The following ARHGAP42 variants were observed in gnomAD, a reference collection of about 807,000 sequenced individuals.
ARHGAP42 encodes rho GTPase-activating protein 42.
ARHGAP42 carries 63 observed loss-of-function variants against 125.0 expected under a neutral mutation model. The ratio of observed to expected loss-of-function variants is 0.50; its 90% confidence interval spans 0.41 to 0.62. The LOEUF (loss-of-function observed/expected upper bound fraction) is 0.62, where lower values mean the gene tolerates loss of function less well. ARHGAP42 is among the 20% of genes least tolerant of loss of function. The pLI is 0.00. For missense variants in ARHGAP42, 766 were observed against 1,024.2 expected (o/e 0.75, Z 3.44); for synonymous variants, 339 against 351.0 (o/e 0.97, Z 0.38).
chr11:100,779,551 C>CGTATACATACGTAT (rs747888545), intron 2 of ARHGAP42, among the ~76,000 whole-genome samples: 5 of 126,898 alleles, frequency 3.9e-5, no homozygotes, highest in South Asian at 2.5e-4. Flanking sequence ...TATATATATA[C>CGTATACATACGTAT]ATATACATAC....
chr11:100,710,816 G>A (rs1313021601), intron 1 of ARHGAP42, among the ~76,000 whole-genome samples: 1 of 152,162 alleles, frequency 6.6e-6, no homozygotes, highest in Non-Finnish European at 1.5e-5. Context: ...AGGGATTACA[G>A]GCTTGAGCCA....
chr11:100,802,096 A>G (rs1173020220), intron 3 of ARHGAP42, among the ~76,000 whole-genome samples: 1 of 152,210 alleles, frequency 6.6e-6, no homozygotes, highest in Non-Finnish European at 1.5e-5. Flanking sequence ...CTTCTAAACC[A>G]TGTAAACTTT....
intron 3 of ARHGAP42, among the ~76,000 whole-genome samples, chr11:100,799,828 A>G (rs114112737): frequency 0.014 from 2,143 of 152,314 alleles, 50 homozygotes; most frequent in African/African-American, 0.05. Flanking sequence ...CATCAGAGGA[A>G]AAGCTCTTCC....
At chr11:100,716,211 C>T (rs1181280987) in intron 1 of ARHGAP42, among the ~76,000 whole-genome samples, 2 of 152,080 alleles carry the variant, frequency 1.3e-5, no homozygotes, top group Non-Finnish European at 2.9e-5. Context: ...TGGTTTCTGC[C>T]CCTTGAATTG....
intron 16 of ARHGAP42, among the ~76,000 whole-genome samples, chr11:100,963,169 C>CA (rs1201492611): frequency 6.6e-6 from 1 of 152,198 alleles, no homozygotes; most frequent in South Asian, 2.1e-4. Flanking sequence ...GGAGATGAGT[C>CA]AAATATTTTT....
intron 9 of ARHGAP42, 83 bp downstream of exon 9, chr11:100,941,967 T>C: frequency 1.9e-6 from 2 of 1,058,270 alleles, no homozygotes; most frequent in Non-Finnish European, 2.7e-6. Flanking sequence ...TCACATTTGT[T>C]TCTCTAGTTA....
chr11:100,982,035 A>G (rs182237649), intron 22 of ARHGAP42, among the ~76,000 whole-genome samples: 5 of 152,324 alleles, frequency 3.3e-5, no homozygotes, highest in African/African-American at 1.2e-4. Context: ...AGAAACTTCT[A>G]CATAGCAATT....
chr11:100,730,951 A>G (rs925131005), intron 1 of ARHGAP42, among the ~76,000 whole-genome samples: 2 of 152,176 alleles, frequency 1.3e-5, no homozygotes, highest in African/African-American at 4.8e-5. Context: ...TATGATCTTA[A>G]TGGGACCACT....
rs1311313351 is a variant in ARHGAP42, at chr11:100,856,493, G to A, written c.313-3061G>A. On this transcript the variant is annotated intron_variant, in intron 3 of 23. Coordinates refer to ENST00000298815, the MANE Select transcript of ARHGAP42 (RefSeq NM_152432.4). Reference sequence around the variant, plus strand: ...AAATTGGTTTGTAAATCCACTTAGTGCCCTTTGAGTGCTGGCATTTTCCAT... The same window carrying A: ...AAATTGGTTTGTAAATCCACTTAGTACCCTTTGAGTGCTGGCATTTTCCAT... 2.6e-5 allele frequency among the ~76,000 whole-genome samples: 4 copies of A among 151,996 alleles called. No homozygotes were observed. The East Asian group carries it at 7.7e-4, about 29-fold the overall frequency.
At chr11:100,823,842 A>G (rs1565229593) in intron 3 of ARHGAP42, among the ~76,000 whole-genome samples, 1 of 152,188 alleles carries the variant, frequency 6.6e-6, no homozygotes, top group Non-Finnish European at 1.5e-5. Flanking sequence ...TGATGATATC[A>G]TCAGTGAAAA....
chr11:100,739,144 CT>C (rs892938777), intron 1 of ARHGAP42, among the ~76,000 whole-genome samples: 2 of 150,596 alleles, frequency 1.3e-5, no homozygotes, highest in Non-Finnish European at 1.5e-5. Context: ...ATCTTAGAGT[CT>C]TTTTTTTTGT....
intron 1 of ARHGAP42, among the ~76,000 whole-genome samples, chr11:100,708,085 T>A (rs998097629): frequency 2.6e-5 from 4 of 152,210 alleles, no homozygotes; most frequent in Non-Finnish European, 5.9e-5. Flanking sequence ...GTAGCCCTAG[T>A]AAGTCATTCC....
chr11:100,788,616 T>A (rs1591181999), intron 2 of ARHGAP42, among the ~76,000 whole-genome samples: 1 of 152,132 alleles, frequency 6.6e-6, no homozygotes, highest in African/African-American at 2.4e-5. Flanking sequence ...TCCTAGAAAA[T>A]AATAACTAGA....
intron 1 of ARHGAP42, among the ~76,000 whole-genome samples, chr11:100,705,487 A>G (rs2120219741): frequency 6.6e-6 from 1 of 152,268 alleles, no homozygotes; most frequent in Admixed American, 6.5e-5. Context: ...AGCAATATTT[A>G]CTTTATCTGC....
At chr11:100,918,928 T>G (rs1867157839) in intron 5 of ARHGAP42, among the ~76,000 whole-genome samples, 1 of 152,192 alleles carries the variant, frequency 6.6e-6, no homozygotes, top group Non-Finnish European at 1.5e-5. Flanking sequence ...GACTTAATAC[T>G]TTTGTGTTGG....
intron 12 of ARHGAP42, among the ~76,000 whole-genome samples, chr11:100,953,101 A>AT (rs201542039): frequency 6.6e-6 from 1 of 152,024 alleles, no homozygotes; most frequent in African/African-American, 2.4e-5. Context: ...CGCTCTAACC[A>AT]TTTTTTTGTA....
intron 1 of ARHGAP42, among the ~76,000 whole-genome samples, chr11:100,768,331 G>A (rs1418748951): frequency 6.6e-6 from 1 of 152,122 alleles, no homozygotes. Context: ...ATCGACGGTA[G>A]TAGGATTCTT....
chr11:100,849,237 A>G (rs1422385728), intron 3 of ARHGAP42, among the ~76,000 whole-genome samples: 3 of 152,188 alleles, frequency 2.0e-5, no homozygotes, highest in African/African-American at 7.2e-5. Flanking sequence ...CATTCTTCAC[A>G]TGATGTAAGA....
intron 1 of ARHGAP42, among the ~76,000 whole-genome samples, chr11:100,691,299 TA>T (rs1049525638): frequency 0.015 from 7 of 474 alleles, no homozygotes; most frequent in African/African-American, 0.038. Context: ...TTTTGCTTAT[TA>T]ATTTTTTTTT....
Sources: allele counts gnomAD v4.1 joint callset (sites outside exome capture counted in the v4.1 genomes callset), GRCh38; gene constraint gnomAD v4.1.1; transcripts MANE v1.5; gene names NCBI Gene and HGNC (gene_info 2026-07-23, HGNC 2026-07-21).